NAA15: variants seen among roughly 807,000 people sequenced by gnomAD.
NAA15 encodes N-alpha-acetyltransferase 15, NatA auxiliary subunit.
In NAA15, 34 loss-of-function variants were observed where a neutral mutation model predicts 114.0. The ratio of observed to expected loss-of-function variants is 0.30; its 90% CI spans 0.23 to 0.40. The LOEUF is 0.40. Among genes scored for constraint, NAA15 ranks in the 10% least tolerant of loss-of-function variants. The pLI, the probability that NAA15 is intolerant of heterozygous loss-of-function variation, is 1.00. For missense variants in NAA15, 658 were observed against 1,004.5 expected, an observed-to-expected ratio of 0.66 and a Z score of 4.66; for synonymous variants, 340 against 338.0, an observed-to-expected ratio of 1.01 and a Z score of -0.06.
intron 1 of NAA15, among the ~76,000 whole-genome samples, chr4:139,304,545 A>T (rs1404661810): frequency 1.3e-5 from 2 of 152,182 alleles, no homozygotes. Context: ...TTTGCATATA[A>T]CCTATGCGAA....
intron 1 of NAA15, among the ~76,000 whole-genome samples, chr4:139,309,023 T>C (rs1326140300): frequency 6.6e-6 from 1 of 152,174 alleles, no homozygotes; most frequent in Non-Finnish European, 1.5e-5. Context: ...TATATAATTA[T>C]TATAAAAATT....
At chr4:139,378,054 G>A (rs1182214642) in intron 16 of NAA15, among the ~76,000 whole-genome samples, 3 of 152,188 alleles carry the variant, frequency 2.0e-5, no homozygotes. Context: ...TAGTATTGGG[G>A]ACAAGGGAAA....
intron 1 of NAA15, among the ~76,000 whole-genome samples, chr4:139,311,762 A>G (rs1176248107): frequency 6.6e-6 from 1 of 151,870 alleles, no homozygotes; most frequent in Non-Finnish European, 1.5e-5. Context: ...TGACCACTAT[A>G]TATGATATTA....
At chr4:139,346,387 G>A (rs939494724) in intron 6 of NAA15, among the ~76,000 whole-genome samples, 1 of 152,054 alleles carries the variant, frequency 6.6e-6, no homozygotes, top group African/African-American at 2.4e-5. Context: ...TGTATAAAGA[G>A]AATAGAAGGG....
chr4:139,371,358 G>A (rs1360751973), intron 15 of NAA15, among the ~76,000 whole-genome samples: 1 of 151,888 alleles, frequency 6.6e-6, no homozygotes, highest in Non-Finnish European at 1.5e-5. Context: ...AGGAGGCTGA[G>A]GTGGGAGGAT....
intron 6 of NAA15, among the ~76,000 whole-genome samples, chr4:139,346,386 A>T (rs1223622039): frequency 6.6e-6 from 1 of 152,064 alleles, no homozygotes; most frequent in Non-Finnish European, 1.5e-5. Context: ...GTGTATAAAG[A>T]GAATAGAAGG....
rs552938873 is a variant in NAA15, at chr4:139,351,697, T to A, written c.1014+86T>A. 2.0e-5 allele frequency: 13 copies of A among 639,126 alleles called. No homozygotes were observed. The East Asian group carries it at 3.5e-4, about 17-fold the overall frequency. The allele number at this position is 639,126 out of a possible 1,614,324, so 39.6% of individuals were successfully genotyped here. The stretch of plus-strand genomic sequence containing the variant: ...TTGATTCTTGATTATCTCTGCACAG[T>A]AGTACGTGTTTTGTGAATCTCATGT... On this transcript the variant is annotated intron_variant, in intron 9 of 19. Coordinates refer to ENST00000296543, the MANE Select transcript of NAA15 (RefSeq NM_057175.5).
chr4:139,312,938 T>C (rs1746268917), intron 1 of NAA15, among the ~76,000 whole-genome samples: 1 of 151,974 alleles, frequency 6.6e-6, no homozygotes, highest in African/African-American at 2.4e-5. Context: ...TCTACTGCAC[T>C]TTCTTTGGTT....
intron 9 of NAA15, 22 bp downstream of exon 9, chr4:139,351,633 T>G (rs139130139): frequency 1.7e-6 from 2 of 1,188,810 alleles, no homozygotes; most frequent in Admixed American, 3.5e-5. Flanking sequence ...TATGATACTT[T>G]CTTTTGGCTA....
intron 4 of NAA15, among the ~76,000 whole-genome samples, chr4:139,341,756 C>T (rs1747404232): frequency 1.3e-5 from 2 of 151,158 alleles, no homozygotes. Context: ...GAGTCTCACT[C>T]TGTTGCCCAG....
intron 6 of NAA15, among the ~76,000 whole-genome samples, chr4:139,348,391 G>A (rs1747668728): frequency 6.6e-6 from 1 of 150,682 alleles, no homozygotes; most frequent in Non-Finnish European, 1.5e-5. Context: ...CGAGGCTGCA[G>A]TGAGCCATGA....
chr4:139,327,780 C>G (rs531609788), intron 1 of NAA15, among the ~76,000 whole-genome samples: 1 of 152,168 alleles, frequency 6.6e-6, no homozygotes, highest in South Asian at 2.1e-4. Flanking sequence ...ATTCTCCTGC[C>G]TCTGCCTCCC....
chr4:139,321,406 C>G (rs1746601201), intron 1 of NAA15, among the ~76,000 whole-genome samples: 1 of 151,562 alleles, frequency 6.6e-6, no homozygotes, highest in Non-Finnish European at 1.5e-5. Context: ...TCAAGTGATC[C>G]TCCTGCCTCA....
At chr4:139,353,977 T>C in intron 9 of NAA15, 49 bp from the exon 10 acceptor site, 2 of 1,423,818 alleles carry the variant, frequency 1.4e-6, no homozygotes, top group Non-Finnish European at 2.0e-6. Context: ...ATAAGAATAG[T>C]AAATGTGTGT....
chr4:139,373,863 A>G (rs1412828219), intron 15 of NAA15, among the ~76,000 whole-genome samples: 3 of 151,348 alleles, frequency 2.0e-5, no homozygotes, highest in African/African-American at 7.3e-5. Flanking sequence ...CACACCCACT[A>G]TTTGTTTTGT....
chr4:139,371,497 G>GCACACACACACACACACACACA (rs35581039), intron 15 of NAA15, among the ~76,000 whole-genome samples: 6 of 113,678 alleles, frequency 5.3e-5, no homozygotes, highest in East Asian at 5.7e-4. Flanking sequence ...AAGAAAAGTA[G>GCACACACACACACACACACACA]CACACACACA....
intron 1 of NAA15, among the ~76,000 whole-genome samples, chr4:139,315,039 AGG>A (rs1217521755): frequency 0.14 from 17,261 of 126,728 alleles, 2,547 homozygotes; most frequent in Non-Finnish European, 0.17. Context: ...AGGTTAGGTT[AGG>A]TTAGGTTAGG....
intron 19 of NAA15, among the ~76,000 whole-genome samples, chr4:139,387,261 T>G (rs1198046248): frequency 6.6e-6 from 1 of 152,144 alleles, no homozygotes; most frequent in African/African-American, 2.4e-5. Flanking sequence ...CAAATCAACA[T>G]GAATCAACAA....
At chr4:139,371,894 C>T (rs1451229737) in intron 15 of NAA15, among the ~76,000 whole-genome samples, 1 of 152,064 alleles carries the variant, frequency 6.6e-6, no homozygotes, top group Non-Finnish European at 1.5e-5. Flanking sequence ...TATAACTCTT[C>T]ATGTTTTCAT....
Sources: allele counts gnomAD v4.1 joint callset (sites outside exome capture counted in the v4.1 genomes callset), GRCh38; gene constraint gnomAD v4.1.1; transcripts MANE v1.5; gene names NCBI Gene and HGNC (gene_info 2026-07-23, HGNC 2026-07-21).